DNM1: variants seen among roughly 807,000 people sequenced by gnomAD.
DNM1 encodes the protein dynamin 1, also known as dynamin-1.
DNM1 carries 29 observed loss-of-function variants against 104.6 expected under a neutral mutation model. The ratio of observed to expected loss-of-function variants is 0.28; its 90% confidence interval spans 0.21 to 0.38. The LOEUF (loss-of-function observed/expected upper bound fraction) is 0.38. Among genes scored for constraint, DNM1 ranks in the 10% least tolerant of loss-of-function variants. The probability of loss-of-function intolerance (pLI) is 1.00; values close to 1 mark genes in which losing one functional copy is unlikely to be tolerated. For synonymous variants in DNM1, 445 were observed against 475.8 expected (o/e 0.94, Z 0.84); for missense variants, 640 against 1,189.4 (o/e 0.54, Z 6.79).
In DNM1 at chr9:128,224,182, C is replaced by G. The variant is rs1315668520; in HGVS notation, c.1197-69C>G. On this transcript the variant is annotated intron_variant, in intron 9 of 21. Transcript: ENST00000372923. The surrounding 1 kb of genome is among the most constrained non-coding windows in gnomAD (Gnocchi z 4.3). ...CAGAGTTCGTGGGCTTGGGGAGGAG[C>G]CTCGGCCTGGCCCTCCTGGCCGGCA... 4 of 1,546,970 alleles carry G rather than the reference C, an allele frequency of 2.6e-6. No homozygotes were observed. Among genetic ancestry groups the G allele is most frequent in the Non-Finnish European group, 2.6e-6 (3 of 1,143,306 alleles).
Position 128,220,913 on chromosome 9 carries a change from CTTTCTTTCTTT to C in DNM1, c.849+573_849+583del. On this transcript the variant is annotated intron_variant, in intron 6 of 21. Transcript: ENST00000372923. This position sits in a 1 kb window ranked among gnomAD's most constrained non-coding sequence, Gnocchi z 5.2. ...TCTTTCTTTCTTTCTTTCTTTCTTTCTTTCTTTCTTTCTTTCTTTCTTTTCTTTTCTTTCTT... is the reference window on the plus strand; with the variant it reads ...TCTTTCTTTCTTTCTTTCTTTCTTTCCTTTCTTTCTTTTCTTTTCTTTCTT... 6.8e-6 allele frequency among the ~76,000 whole-genome samples: 1 copy of C among 147,210 alleles called. No homozygotes were observed. The highest frequency in any genetic ancestry group is 1.5e-5 in the Non-Finnish European group (1 of 66,432).
intron 1 of DNM1, among the ~76,000 whole-genome samples, chr9:128,215,021 T>G (rs1345634020): frequency 6.6e-6 from 1 of 152,226 alleles, no homozygotes; most frequent in East Asian, 1.9e-4. Flanking sequence ...GTCATGCACA[T>G]TCCTTCTCGT....
At chr9:128,226,356 AG>A (rs1322248118) in intron 10 of DNM1, among the ~76,000 whole-genome samples, 12 of 152,182 alleles carry the variant, frequency 7.9e-5, no homozygotes, top group African/African-American at 2.9e-4. Context: ...CCCCCATCCC[AG>A]AAGACTTGAC....
In DNM1 at chr9:128,240,529, C is replaced by A. The variant is rs933599976; in HGVS notation, c.1557+533C>A. 1 of 155,528 alleles carries A rather than the reference C, an allele frequency of 6.4e-6. No homozygotes were observed. Among genetic ancestry groups the A allele is most frequent in the Admixed American group, 6.4e-5 (1 of 15,556 alleles). The allele number at this position is 155,528 out of a possible 1,614,324, so 9.6% of individuals were successfully genotyped here. A position where few individuals can be genotyped will look rare whatever the true frequency, so the allele number is the denominator to read the frequency against. On this transcript the variant is annotated intron_variant, in intron 14 of 21. Coordinates refer to ENST00000372923, the MANE Select transcript of DNM1 (RefSeq NM_004408.4). The surrounding 1 kb of genome is among the most constrained non-coding windows in gnomAD (Gnocchi z 5.1). Reference sequence around the variant, plus strand: ...CCATAGGTTCCAGAGGCCGTAGTTTCTTTGTAAGACTCTAGGTGTTTATGT... The same window carrying A: ...CCATAGGTTCCAGAGGCCGTAGTTTATTTGTAAGACTCTAGGTGTTTATGT...
At chr9:128,252,741 ATCC>A (rs1829603403) in intron 21 of DNM1, 1 of 556,584 alleles carries the variant, frequency 1.8e-6, no homozygotes, top group African/African-American at 1.9e-5. Flanking sequence ...AGCACGGGTG[ATCC>A]TCTAAGCACA....
intron 10 of DNM1, among the ~76,000 whole-genome samples, chr9:128,233,101 C>T (rs1157282970): frequency 2.0e-5 from 3 of 152,222 alleles, no homozygotes; most frequent in African/African-American, 4.8e-5. Context: ...GCCCAGAGCC[C>T]GACTGAGCTG....
Position 128,245,078 on chromosome 9 carries a change from C to T in DNM1, c.1672-1316C>T, listed in dbSNP as rs529339788. 8.1e-5 allele frequency: 21 copies of T among 257,810 alleles called. 1 individual carries two copies. Among genetic ancestry groups the T allele is most frequent in the South Asian group, 4.2e-4 (12 of 28,810 alleles). 16.0% of individuals were successfully genotyped at this position (257,810 alleles called of 1,614,324 possible). A position where few individuals can be genotyped will look rare whatever the true frequency, so the allele number is the denominator to read the frequency against. The stretch of plus-strand genomic sequence containing the variant: ...GAAGGGAGGGGTGGGGGGAGGAGGC[C>T]GCTCCTACCTAGTGTCCAACCCCGA... On this transcript the variant is annotated intron_variant, in intron 15 of 21. Coordinates refer to ENST00000372923, the MANE Select transcript of DNM1 (RefSeq NM_004408.4). The surrounding 1 kb of genome is among the most constrained non-coding windows in gnomAD (Gnocchi z 5.2).
rs1385389663 is a variant in DNM1, at chr9:128,254,041, C to T, written c.2535-613C>T. 4 of 1,236,406 alleles carry T rather than the reference C, an allele frequency of 3.2e-6. No homozygotes were observed. Among genetic ancestry groups the T allele is most frequent in the South Asian group, 8.1e-5 (2 of 24,710 alleles). 76.6% of individuals were successfully genotyped at this position (1,236,406 alleles called of 1,614,324 possible). A position where few individuals can be genotyped will look rare whatever the true frequency, so the allele number is the denominator to read the frequency against. On this transcript the variant is annotated intron_variant, in intron 21 of 21. Transcript: ENST00000372923. This position sits in a 1 kb window ranked among gnomAD's most constrained non-coding sequence, Gnocchi z 6.1. ...CCAGCCTCACCTACGAGACCTGCAG[C>T]CCCCCGACCAGCTGAGGCTCCCCTC... is the stretch of plus-strand genomic sequence containing the variant.
At chr9:128,231,326 C>T (rs1489684133) in intron 10 of DNM1, among the ~76,000 whole-genome samples, 1 of 150,312 alleles carries the variant, frequency 6.7e-6, no homozygotes, top group East Asian at 2.0e-4. Context: ...CCTCAGCCTC[C>T]GAGTAGCTGG....
rs1835056462 is a variant in DNM1 at position 128,222,060 on chromosome 9, A to G, written c.850-137A>G. The stretch of plus-strand genomic sequence containing the variant: ...CCTTCTATGAACCAGTTTTCTTGCT[A>G]GTGGCCCGGGCAGCAGTGGCAGGGC... On this transcript the variant is annotated intron_variant, in intron 6 of 21. Transcript: ENST00000372923. The surrounding 1 kb of genome is among the most constrained non-coding windows in gnomAD (Gnocchi z 7.8). 3.0e-6 allele frequency: 3 copies of G among 993,196 alleles called. No individual in the cohort carries two copies. The highest frequency in any genetic ancestry group is 2.7e-5 in the Admixed American group (1 of 36,792). 61.5% of individuals were successfully genotyped at this position (993,196 alleles called of 1,614,324 possible).
chr9:128,250,482 T>TTAGAGAGG, intron 20 of DNM1, 126 bp downstream of exon 20: 2 of 1,147,572 alleles, frequency 1.7e-6, no homozygotes, highest in Non-Finnish European at 2.4e-6. Context: ...GGGGCGGAGC[T>TTAGAGAGG]TAGAGAGGGC....
rs146849993 is a variant in DNM1 at position 128,241,960 on chromosome 9, G to T, written c.1558-272G>T. 8.4e-3 allele frequency among the ~76,000 whole-genome samples: 1,280 copies of T among 152,262 alleles called. 11 individuals are homozygous for T. Among genetic ancestry groups the T allele is most frequent in the Non-Finnish European group, 0.013 (902 of 68,008 alleles). ...GCTTGCATACTTTTAGTGACAGGGA[G>T]CTCATCCCCTACCCAGGCCTCCAGT... On this transcript the variant is annotated intron_variant, in intron 14 of 21. Coordinates refer to ENST00000372923, the MANE Select transcript of DNM1 (RefSeq NM_004408.4).
rs1564345321 is a variant in DNM1, at chr9:128,239,472, G to A, written c.1450G>A (p.Ala484Thr). ...QVMLLIDIELAYMNTNHEDFI... is the reference protein window; with the variant it reads ...QVMLLIDIELTYMNTNHEDFI... ...CATGCTTCTCATCGATATCGAGCTGGCTTACATGAACACCAACCATGAGGA... is the reference window on the plus strand; with the variant it reads ...CATGCTTCTCATCGATATCGAGCTGACTTACATGAACACCAACCATGAGGA... Residue 484 changes from alanine to threonine, a missense_variant, in exon 12 of 22, where the codon GCT (alanine) becomes ACT (threonine). This residue lies in a region of DNM1 where 92 missense variants were observed against 124.4 expected (regional missense o/e 0.74). Transcript: ENST00000372923. 1 of 1,613,858 alleles carries A rather than the reference G, an allele frequency of 6.2e-7. No individual in the cohort carries two copies. The highest frequency in any genetic ancestry group is 2.2e-5 in the East Asian group (1 of 44,870).
At position 128,218,485 on chromosome 9, in the gene DNM1, G is replaced by A; in HGVS notation, c.236-97G>A. On this transcript the variant is annotated intron_variant, in intron 2 of 21. Coordinates refer to ENST00000372923, the MANE Select transcript of DNM1 (RefSeq NM_004408.4). The surrounding 1 kb of genome is among the most constrained non-coding windows in gnomAD (Gnocchi z 4.8). ...GTGGGTGGTGGTTCTGCTTGGGTGTGTCTAGGGGGTTCTATTACCGGTGGG... is the reference window on the plus strand; with the variant it reads ...GTGGGTGGTGGTTCTGCTTGGGTGTATCTAGGGGGTTCTATTACCGGTGGG... 4 of 1,476,724 alleles carry A rather than the reference G, an allele frequency of 2.7e-6. No homozygotes were observed. Among genetic ancestry groups the A allele is most frequent in the Non-Finnish European group, 3.7e-6 (4 of 1,070,220 alleles). The allele number at this position is 1,476,724 out of a possible 1,614,324, so 91.5% of individuals were successfully genotyped here.
At chr9:128,225,201 C>T (rs575870230) in intron 10 of DNM1, among the ~76,000 whole-genome samples, 16 of 152,342 alleles carry the variant, frequency 1.1e-4, no homozygotes, top group African/African-American at 3.6e-4. Context: ...ATTCCACCCT[C>T]CAGCCTCCCT....
chr9:128,231,855 C>T (rs1057402295), intron 10 of DNM1: 2 of 348,246 alleles, frequency 5.7e-6, no homozygotes, highest in Non-Finnish European at 1.1e-5. Context: ...GGAGAGTCAG[C>T]GGACAGCGGC....
intron 14 of DNM1, among the ~76,000 whole-genome samples, chr9:128,241,645 A>C (rs1232637492): frequency 6.6e-6 from 1 of 152,154 alleles, no homozygotes; most frequent in Admixed American, 6.5e-5. Flanking sequence ...CACGTAGAGA[A>C]GTTAATTAAA....
chr9:128,205,375 C>T (rs1833875478), intron 1 of DNM1, among the ~76,000 whole-genome samples: 1 of 152,164 alleles, frequency 6.6e-6, no homozygotes, highest in Non-Finnish European at 1.5e-5. Context: ...ATGCATCCCC[C>T]TATGCTGAGT....
rs758567328 is a variant in DNM1, at chr9:128,254,656, G to C, written c.2537G>C (p.Arg846Pro). Reference protein sequence around the residue: ...PNRAPPGVPSRSGQASPSRPE... With the variant: ...PNRAPPGVPSPSGQASPSRPE... ...TCTGCTTTCTCTCCAACTGCCAGCC[G>C]ATCGGGTCAGGCAAGTCCATCCCGT... Residue 846 changes from arginine to proline, a missense_variant and splice_region_variant, in exon 22 of 22, where the codon CGA becomes CCA. Arg to Pro is a moderately radical substitution (Grantham distance 103). This residue lies in a region of DNM1 where 37 missense variants were observed against 35.6 expected (regional missense o/e 1.04). Coordinates refer to ENST00000372923, the MANE Select transcript of DNM1 (RefSeq NM_004408.4). This position sits in a 1 kb window ranked among gnomAD's most constrained non-coding sequence, Gnocchi z 6.1. 3.8e-6 allele frequency: 6 copies of C among 1,595,090 alleles called. No homozygotes were observed. Among genetic ancestry groups the C allele is most frequent in the Non-Finnish European group, 4.2e-6 (5 of 1,179,136 alleles).
Sources: gnomAD v4.1 joint callset for allele counts (sites outside exome capture counted in the v4.1 genomes callset) on GRCh38, gnomAD v4.1.1 for gene constraint, gnomAD v4.1.1 regional missense constraint, Gnocchi (gnomAD v3.1) non-coding constraint, MANE v1.5 for transcripts, NCBI Gene and HGNC (gene_info 2026-07-23, HGNC 2026-07-21) for gene names.